The following FASTKD2 variants were observed in gnomAD, a reference collection of about 807,000 sequenced individuals.
FASTKD2 encodes FAST kinase domain-containing protein 2, mitochondrial.
A neutral mutation model predicts 63.6 loss-of-function variants in FASTKD2; 51 were observed. The observed-to-expected ratio is 0.80, with a 90% CI of 0.64 to 1.01. The LOEUF (loss-of-function observed/expected upper bound fraction) is 1.01. FASTKD2 is among the 50% of genes least tolerant of loss of function. The probability of loss-of-function intolerance (pLI) is 0.00; values close to 1 mark genes in which losing one functional copy is unlikely to be tolerated. For missense variants in FASTKD2, 786 were observed against 831.1 expected (o/e 0.95, Z 0.67); for synonymous variants, 284 against 293.4 (o/e 0.97, Z 0.33).
At chr2:206,776,839 A>T (rs940028193) in intron 7 of FASTKD2, among the ~76,000 whole-genome samples, 2 of 152,014 alleles carry the variant, frequency 1.3e-5, no homozygotes, top group African/African-American at 4.8e-5. Context: ...AAAAAATGCC[A>T]TTGGGATTTT....
Position 206,790,180 on chromosome 2 carries a change from T to G in FASTKD2, c.1899-392T>G, listed in dbSNP as rs1335456361. ...TGCTTTCTCTGGGAGATGATATGTG[T>G]AAGAAGAGCATTTACTATTTGGTAT... On this transcript the variant is annotated intron_variant, in intron 10 of 11. Transcript: ENST00000402774. 1.7e-5 allele frequency: 3 copies of G among 176,610 alleles called. No individual in the cohort carries two copies. The South Asian group carries it at 3.8e-4, about 23-fold the overall frequency. The allele number at this position is 176,610 out of a possible 1,614,324, so 10.9% of individuals were successfully genotyped here. A position where few individuals can be genotyped will look rare whatever the true frequency, so the allele number is the denominator to read the frequency against.
intron 1 of FASTKD2, 114 bp downstream of exon 1, chr2:206,765,861 A>C (rs1304094905): frequency 6.6e-6 from 1 of 152,392 alleles, no homozygotes; most frequent in Non-Finnish European, 1.5e-5. Context: ...TCTTCCTCTT[A>C]AGCGCAGGCC....
intron 7 of FASTKD2, 45 bp downstream of exon 7, chr2:206,774,442 A>G: frequency 8.1e-7 from 1 of 1,239,960 alleles, no homozygotes. Flanking sequence ...CATATAACTT[A>G]CAAAAAAGGT....
chr2:206,791,297 A>G (rs1690279422), intron 11 of FASTKD2: 1 of 221,420 alleles, frequency 4.5e-6, no homozygotes, highest in African/African-American at 2.4e-5. Flanking sequence ...AAACATTCCA[A>G]GTCTTCTATT....
intron 2 of FASTKD2, among the ~76,000 whole-genome samples, chr2:206,768,371 AGT>A (rs1191222393): frequency 6.6e-6 from 1 of 152,108 alleles, no homozygotes; most frequent in African/African-American, 2.4e-5. Flanking sequence ...ATGTTTTAAG[AGT>A]GTACACTTCT....
At chr2:206,767,994 G>T (rs1453131401) in intron 2 of FASTKD2, among the ~76,000 whole-genome samples, 1 of 152,212 alleles carries the variant, frequency 6.6e-6, no homozygotes, top group Non-Finnish European at 1.5e-5. Flanking sequence ...GGAGTTGTAT[G>T]TTTGAGTGGG....
chr2:206,784,753 A>ACAAGCTCGTC (rs1207181542), intron 7 of FASTKD2, among the ~76,000 whole-genome samples: 1 of 152,150 alleles, frequency 6.6e-6, no homozygotes, highest in African/African-American at 2.4e-5. Flanking sequence ...TTTTCCAATG[A>ACAAGCTCGTC]CAAGCTCGTC....
rs1690344518 is a variant in FASTKD2 at position 206,793,245 on chromosome 2, A to AG, written c.*1443_*1444insG. ...CAAAAAAAAAAAAAAAAAAAAAAAA[A>AG]AAAAAATACAAAAACTATAGCAATA... is the stretch of plus-strand genomic sequence containing the variant. On this transcript the variant is annotated 3_prime_UTR_variant, in exon 12 of 12. Coordinates refer to ENST00000402774, the MANE Select transcript of FASTKD2 (RefSeq NM_001136193.2). 6.9e-6 allele frequency among the ~76,000 whole-genome samples: 1 copy of AG among 145,478 alleles called. No homozygotes were observed. The highest frequency in any genetic ancestry group is 1.5e-5 in the Non-Finnish European group (1 of 66,646).
intron 2 of FASTKD2, 59 bp downstream of exon 2, chr2:206,767,529 T>C (rs1689557046): frequency 1.5e-6 from 2 of 1,356,420 alleles, no homozygotes; most frequent in African/African-American, 1.4e-5. Context: ...TTTGAAAGAA[T>C]GAAGGGATAT....
intron 7 of FASTKD2, among the ~76,000 whole-genome samples, chr2:206,782,186 C>G (rs765671368): frequency 1.7e-4 from 26 of 152,324 alleles, no homozygotes; most frequent in Non-Finnish European, 3.2e-4. Flanking sequence ...ACTCTACTCT[C>G]TCCCTCCAAG....
At chr2:206,783,629 T>G (rs573260633) in intron 7 of FASTKD2, among the ~76,000 whole-genome samples, 18 of 152,020 alleles carry the variant, frequency 1.2e-4, no homozygotes, top group Non-Finnish European at 2.6e-4. Flanking sequence ...GTTTTTCAGG[T>G]GACTCCAGGC....
At chr2:206,790,928 C>T in intron 11 of FASTKD2, 1 of 452,712 alleles carries the variant, frequency 2.2e-6, no homozygotes, top group Non-Finnish European at 4.1e-6. Context: ...AGCTTTAATC[C>T]TTTTTTGCTA....
chr2:206,769,390 A>T (rs1343410239), intron 2 of FASTKD2, among the ~76,000 whole-genome samples: 1 of 152,144 alleles, frequency 6.6e-6, no homozygotes, highest in African/African-American at 2.4e-5. Context: ...CTCAGATGTG[A>T]TTTTTTGTGA....
At position 206,786,899 on chromosome 2, in the gene FASTKD2, G is replaced by C; in HGVS notation, c.1594G>C (p.Asp532His). The change falls in exon 8 of 12, where the codon GAT becomes CAT. Residue 532 changes from aspartate to histidine, a missense_variant and splice_region_variant. Asp to His is a moderately conservative substitution (Grantham distance 81). Transcript: ENST00000402774. The stretch of plus-strand genomic sequence containing the variant: ...CATCATCAGTGAGCTGCTGACATCA[G>C]GTAGGATGTTAGTGCAGAATTGGTC... ...KDIISELLTS[D>H]DMKNAYKLHT... 6.2e-7 allele frequency: 1 copy of C among 1,602,306 alleles called. No homozygotes were observed.
Position 206,794,743 on chromosome 2 carries a change from A to C in FASTKD2, c.*2941A>C, listed in dbSNP as rs1231105655. On this transcript the variant is annotated 3_prime_UTR_variant, in exon 12 of 12. Coordinates refer to ENST00000402774, the MANE Select transcript of FASTKD2 (RefSeq NM_001136193.2). Reference sequence around the variant, plus strand: ...GATGGTATTTTTTTTGTGATAATACACATGGACCTCAAATGCAATTGAACT... The same window carrying C: ...GATGGTATTTTTTTTGTGATAATACCCATGGACCTCAAATGCAATTGAACT... Among the ~76,000 whole-genome samples the C allele has an allele frequency of 6.6e-6, 1 of 152,234 alleles. No individual in the cohort carries two copies. The highest frequency in any genetic ancestry group is 1.9e-4 in the East Asian group (1 of 5,198).
chr2:206,783,860 A>G (rs1275204999), intron 7 of FASTKD2, among the ~76,000 whole-genome samples: 1 of 152,252 alleles, frequency 6.6e-6, no homozygotes, highest in Admixed American at 6.5e-5. Context: ...ACATTTGGCA[A>G]GGTATGGAGA....
At chr2:206,788,926 G>T in intron 10 of FASTKD2, 23 bp downstream of exon 10, 1 of 1,215,134 alleles carries the variant, frequency 8.2e-7, no homozygotes, top group Non-Finnish European at 1.2e-6. Flanking sequence ...TATTTCATTT[G>T]CTGGGCTTTC....
Position 206,790,676 on chromosome 2 carries a change from A to C in FASTKD2, c.2003A>C (p.His668Pro), listed in dbSNP as rs191374195. The C allele has an allele frequency of 6.3e-7, 1 of 1,595,224 alleles. No homozygotes were observed. The highest frequency in any genetic ancestry group is 2.2e-5 in the East Asian group (1 of 44,738). Residue 668 changes from histidine to proline, a missense_variant, in exon 11 of 12, where the codon CAT (histidine) becomes CCT (proline). Physicochemically the swap from His to Pro is moderately conservative, Grantham distance 77. Transcript: ENST00000402774. ...KMRHLNAMGF[H>P]VILVNNWEMD... ...CGGCATTTGAATGCAATGGGTTTTC[A>C]TGTGATCTTGGTGAGAAAAAAATGC...
rs757255885 is a variant in FASTKD2 at position 206,774,218 on chromosome 2, T to C, written c.1255-7T>C. The C allele has an allele frequency of 2.1e-5, 34 of 1,599,280 alleles. No individual in the cohort carries two copies. In the African/African-American group the frequency reaches 4.5e-4, roughly 21 times the overall value. On this transcript the variant is annotated splice_polypyrimidine_tract_variant and splice_region_variant and intron_variant, in intron 6 of 11. Coordinates refer to ENST00000402774, the MANE Select transcript of FASTKD2 (RefSeq NM_001136193.2). ...ATAGAGTTTTCCCTCAATTTTCTCT[T>C]TTTAAGGTTCTTTTTATCCTCATTT...
Sources: allele counts gnomAD v4.1 joint callset (sites outside exome capture counted in the v4.1 genomes callset), GRCh38; gene constraint gnomAD v4.1.1; transcripts MANE v1.5; gene names NCBI Gene and HGNC (gene_info 2026-07-23, HGNC 2026-07-21).